The following FARS2 variants were observed in gnomAD, a reference collection of about 807,000 sequenced individuals.
FARS2 encodes the protein phenylalanyl-tRNA synthetase 2, mitochondrial.
In FARS2, 40 loss-of-function variants were observed where a neutral mutation model predicts 46.4. The ratio of observed to expected loss-of-function variants is 0.86; its 90% CI spans 0.67 to 1.12. The LOEUF (loss-of-function observed/expected upper bound fraction) is 1.12. Among genes scored for constraint, FARS2 ranks in the 50% most tolerant of loss-of-function variants. The pLI is 0.00. For synonymous variants in FARS2, 234 were observed against 214.9 expected (o/e 1.09, Z -0.78); for missense variants, 513 against 567.9 (o/e 0.90, Z 0.98).
chr6:5,474,468 C>A (rs1184913761), intron 4 of FARS2, among the ~76,000 whole-genome samples: 3 of 152,058 alleles, frequency 2.0e-5, no homozygotes, highest in African/African-American at 7.2e-5. Flanking sequence ...GTGTGAACAT[C>A]ATAGAGTGTA....
At chr6:5,269,058 G>T (rs185065086) in intron 1 of FARS2, among the ~76,000 whole-genome samples, 41 of 152,266 alleles carry the variant, frequency 2.7e-4, no homozygotes, top group Admixed American at 2.7e-3. Context: ...TTGCAGCACT[G>T]TTCACAATAG....
At chr6:5,610,189 A>G in intron 5 of FARS2, 2 of 747,888 alleles carry the variant, frequency 2.7e-6, no homozygotes, top group South Asian at 3.6e-5. Context: ...GGAGACTCTG[A>G]CTTAGACAGG....
rs112089478 is a variant in FARS2, at chr6:5,497,127, A to G, written c.905-48053A>G. On this transcript the variant is annotated intron_variant, in intron 4 of 6. Transcript: ENST00000274680. ...CTGAGACTTAAATGAAATCTCGTGT[A>G]TGATGATTTTGAAAACTCCAAATCC... 4.9e-3 allele frequency among the ~76,000 whole-genome samples: 746 copies of G among 152,368 alleles called. 8 individuals carry two copies. Among genetic ancestry groups the G allele is most frequent in the African/African-American group, 0.017 (715 of 41,582 alleles).
chr6:5,382,913 T>C (rs1336304597), intron 2 of FARS2, among the ~76,000 whole-genome samples: 1 of 152,184 alleles, frequency 6.6e-6, no homozygotes, highest in African/African-American at 2.4e-5. Flanking sequence ...GACAGTGAAG[T>C]AGAGAGAATT....
intron 4 of FARS2, among the ~76,000 whole-genome samples, chr6:5,483,534 G>T (rs541692145): frequency 6.6e-5 from 10 of 152,210 alleles, no homozygotes; most frequent in East Asian, 5.8e-4. Flanking sequence ...AAGCTTGATT[G>T]TACATACCTG....
chr6:5,369,226 A>G (rs2127644576), intron 2 of FARS2, 44 bp downstream of exon 2: 1 of 1,575,020 alleles, frequency 6.3e-7, no homozygotes, highest in East Asian at 2.2e-5. Flanking sequence ...TGTCATAGAC[A>G]TTTTATGTTG....
At chr6:5,401,995 T>C (rs1761282981) in intron 2 of FARS2, among the ~76,000 whole-genome samples, 1 of 143,612 alleles carries the variant, frequency 7.0e-6, no homozygotes, top group Non-Finnish European at 1.6e-5. Context: ...TTCTGCTCCA[T>C]TGTTTTTTTT....
intron 6 of FARS2, among the ~76,000 whole-genome samples, chr6:5,762,372 G>A (rs370589586): frequency 1.3e-5 from 2 of 152,170 alleles, no homozygotes; most frequent in South Asian, 2.1e-4. Context: ...AAAGCTGGGC[G>A]AGTCTGCATC....
chr6:5,407,971 C>T (rs1222849752), intron 3 of FARS2, among the ~76,000 whole-genome samples: 1 of 152,132 alleles, frequency 6.6e-6, no homozygotes, highest in African/African-American at 2.4e-5. Context: ...CAGAAAGATT[C>T]AGGCTCATCT....
At chr6:5,362,057 G>A (rs556515347) in intron 1 of FARS2, among the ~76,000 whole-genome samples, 1 of 152,182 alleles carries the variant, frequency 6.6e-6, no homozygotes, top group Admixed American at 6.5e-5. Context: ...TAATCCAAAT[G>A]TGATCCATGA....
At chr6:5,287,362 T>C (rs866492523) in intron 1 of FARS2, among the ~76,000 whole-genome samples, 72 of 152,196 alleles carry the variant, frequency 4.7e-4, no homozygotes, top group African/African-American at 1.6e-3. Context: ...CATCCTGTTC[T>C]AGTGCTCAGA....
chr6:5,511,138 A>G (rs897906080), intron 4 of FARS2, among the ~76,000 whole-genome samples: 3 of 152,246 alleles, frequency 2.0e-5, no homozygotes, highest in Admixed American at 1.3e-4. Flanking sequence ...TAGTCAAACC[A>G]GCACATGAAT....
intron 4 of FARS2, among the ~76,000 whole-genome samples, chr6:5,453,112 G>A (rs1441891663): frequency 6.6e-6 from 1 of 152,148 alleles, no homozygotes; most frequent in East Asian, 1.9e-4. Flanking sequence ...AATTGTGGAG[G>A]ACTAAAGCAT....
chr6:5,636,444 C>T (rs1286964797), intron 6 of FARS2, among the ~76,000 whole-genome samples: 1 of 152,204 alleles, frequency 6.6e-6, no homozygotes, highest in Non-Finnish European at 1.5e-5. Flanking sequence ...CATCCTTTTA[C>T]CCTGCAGTCT....
intron 5 of FARS2, among the ~76,000 whole-genome samples, chr6:5,562,695 T>TAC (rs35980009): frequency 0.047 from 6,380 of 135,674 alleles, 155 homozygotes; most frequent in African/African-American, 0.067. Flanking sequence ...CTGTAATTTA[T>TAC]ACACACACAC....
intron 6 of FARS2, among the ~76,000 whole-genome samples, chr6:5,703,563 A>G (rs1176823568): frequency 6.6e-6 from 1 of 152,092 alleles, no homozygotes; most frequent in African/African-American, 2.4e-5. Flanking sequence ...GCCACCTTCT[A>G]TTTGTCTAAA....
intron 1 of FARS2, among the ~76,000 whole-genome samples, chr6:5,268,259 T>A (rs1765689204): frequency 6.6e-6 from 1 of 151,588 alleles, no homozygotes; most frequent in African/African-American, 2.4e-5. Flanking sequence ...TTTTGGTGTT[T>A]TAGACACGAA....
chr6:5,301,905 T>C (rs1411799630), intron 1 of FARS2, among the ~76,000 whole-genome samples: 2 of 151,984 alleles, frequency 1.3e-5, no homozygotes, highest in African/African-American at 4.8e-5. Flanking sequence ...TCAGATGATT[T>C]TGGTGAACCA....
At chr6:5,710,047 A>T (rs1759043958) in intron 6 of FARS2, among the ~76,000 whole-genome samples, 1 of 152,058 alleles carries the variant, frequency 6.6e-6, no homozygotes, top group Non-Finnish European at 1.5e-5. Context: ...GCCAACGCAG[A>T]CCCTTGTCTC....
Sources: gnomAD v4.1 joint callset for allele counts (sites outside exome capture counted in the v4.1 genomes callset) on GRCh38, gnomAD v4.1.1 for gene constraint, MANE v1.5 for transcripts, NCBI Gene and HGNC (gene_info 2026-07-23, HGNC 2026-07-21) for gene names.